Variants in KCNMB2 observed in about 807,000 individuals in gnomAD.
KCNMB2 encodes potassium calcium-activated channel subfamily M regulatory beta subunit 2.
Under a neutral mutation model 24.5 loss-of-function variants are expected in KCNMB2, and 9 were observed. That is an observed-to-expected ratio of 0.37 (90% CI 0.22 to 0.64). KCNMB2 has a LOEUF of 0.64. KCNMB2 is among the 30% of genes least tolerant of loss of function. KCNMB2 has a pLI of 0.63. For missense variants in KCNMB2, 226 were observed against 284.3 expected, an observed-to-expected ratio of 0.79 and a Z score of 1.47; for synonymous variants, 109 against 104.4, an observed-to-expected ratio of 1.04 and a Z score of -0.27.
intron 1 of KCNMB2, among the ~76,000 whole-genome samples, chr3:178,669,255 G>A (rs889132636): frequency 5.9e-5 from 9 of 152,148 alleles, no homozygotes; most frequent in African/African-American, 2.2e-4. Context: ...ATTAATAGCA[G>A]CTGCGACCTT....
chr3:178,651,267 C>T (rs1196659028), intron 1 of KCNMB2, among the ~76,000 whole-genome samples: 3 of 152,140 alleles, frequency 2.0e-5, no homozygotes, highest in African/African-American at 7.2e-5. Context: ...AAATCACAAG[C>T]ATTCCTATTC....
chr3:178,764,417 T>C (rs1051184018), intron 1 of KCNMB2, among the ~76,000 whole-genome samples: 16 of 152,226 alleles, frequency 1.1e-4, no homozygotes, highest in Non-Finnish European at 2.2e-4. Context: ...TGTTTAAATA[T>C]ACAAATACTT....
intron 2 of KCNMB2, among the ~76,000 whole-genome samples, chr3:178,810,445 C>T (rs1244559287): frequency 2.6e-5 from 4 of 152,090 alleles, no homozygotes; most frequent in African/African-American, 9.7e-5. Flanking sequence ...TTCCTCAAAT[C>T]GTAGAATACC....
chr3:178,750,892 G>A (rs1327304808), intron 1 of KCNMB2, among the ~76,000 whole-genome samples: 1 of 152,200 alleles, frequency 6.6e-6, no homozygotes, highest in Non-Finnish European at 1.5e-5. Context: ...TAATGCTCAT[G>A]TTCTTTTAAA....
chr3:178,774,065 G>A (rs1430463587), intron 1 of KCNMB2, among the ~76,000 whole-genome samples: 1 of 152,200 alleles, frequency 6.6e-6, no homozygotes, highest in African/African-American at 2.4e-5. Flanking sequence ...ATCCTCACAT[G>A]ACAGAAGGCA....
chr3:178,831,107 T>TG (rs1560039531), intron 4 of KCNMB2, among the ~76,000 whole-genome samples: 1 of 151,358 alleles, frequency 6.6e-6, no homozygotes, highest in African/African-American at 2.4e-5. Flanking sequence ...CAAGTTTCTT[T>TG]TTTGTTTGTT....
chr3:178,626,925 CTT>C (rs1187878556), intron 1 of KCNMB2, among the ~76,000 whole-genome samples: 2 of 148,678 alleles, frequency 1.3e-5, no homozygotes, highest in East Asian at 1.9e-4. Flanking sequence ...ATATATATAA[CTT>C]AACTATACTA....
intron 1 of KCNMB2, among the ~76,000 whole-genome samples, chr3:178,767,524 T>A (rs1477318843): frequency 6.6e-6 from 1 of 152,226 alleles, no homozygotes; most frequent in Non-Finnish European, 1.5e-5. Context: ...AGAGCCCACA[T>A]AAATCTGTTC....
chr3:178,635,918 T>C (rs1169769117), intron 1 of KCNMB2, among the ~76,000 whole-genome samples: 2 of 152,234 alleles, frequency 1.3e-5, no homozygotes, highest in African/African-American at 4.8e-5. Flanking sequence ...AAAATGGTTA[T>C]TAACCAAAAG....
chr3:178,731,863 G>A (rs954953981), intron 1 of KCNMB2, among the ~76,000 whole-genome samples: 32 of 152,156 alleles, frequency 2.1e-4, no homozygotes, highest in African/African-American at 6.8e-4. Flanking sequence ...AGGTTGTGCC[G>A]CTGCACTCCA....
At chr3:178,833,656 C>T (rs947867842) in intron 4 of KCNMB2, among the ~76,000 whole-genome samples, 20 of 152,114 alleles carry the variant, frequency 1.3e-4, no homozygotes, top group African/African-American at 4.6e-4. Flanking sequence ...ATACATCAGG[C>T]GCTACTGATA....
In KCNMB2 at chr3:178,757,884, C is replaced by T. The variant is rs571741759; in HGVS notation, c.-67-49459C>T. Among the ~76,000 whole-genome samples the T allele has an allele frequency of 1.8e-3, 91 of 50,488 alleles. 1 individual carries two copies. The highest frequency in any genetic ancestry group is 4.5e-3 in the South Asian group (6 of 1,334). 33.1% of individuals were successfully genotyped at this position (50,488 alleles called of 152,430 possible). Reference sequence around the variant, plus strand: ...ATACATATATATATCCAAGAGGATACATATATATATCCAAGAGGATACATA... The same window carrying T: ...ATACATATATATATCCAAGAGGATATATATATATATCCAAGAGGATACATA... On this transcript the variant is annotated intron_variant, in intron 1 of 4. Coordinates refer to ENST00000452583, the MANE Select transcript of KCNMB2 (RefSeq NM_181361.3).
Position 178,568,769 on chromosome 3 carries a change from TA to T in KCNMB2, c.-68+32059del, listed in dbSNP as rs201892756. Among the ~76,000 whole-genome samples, 13 of 127,746 alleles carry T rather than the reference TA, an allele frequency of 1.0e-4. No individual in the cohort carries two copies. In the East Asian group the frequency reaches 3.2e-3, roughly 32 times the overall value. 83.8% of individuals were successfully genotyped at this position (127,746 alleles called of 152,430 possible). On this transcript the variant is annotated intron_variant, in intron 1 of 4. Coordinates refer to ENST00000452583, the MANE Select transcript of KCNMB2 (RefSeq NM_181361.3). ...GATAGATAGATAGATGATAGATAGA[TA>T]GATGATAGATAGATAGATAGATAGA... is the stretch of plus-strand genomic sequence containing the variant.
chr3:178,813,099 C>T (rs1298769099), intron 2 of KCNMB2, among the ~76,000 whole-genome samples: 5 of 152,056 alleles, frequency 3.3e-5, no homozygotes, highest in Admixed American at 1.3e-4. Context: ...TGAATGAATA[C>T]GATTAACCTC....
chr3:178,622,949 T>C (rs1718975985), intron 1 of KCNMB2, among the ~76,000 whole-genome samples: 1 of 152,200 alleles, frequency 6.6e-6, no homozygotes, highest in Non-Finnish European at 1.5e-5. Flanking sequence ...TTAACACAAA[T>C]AGTCAATACA....
intron 1 of KCNMB2, among the ~76,000 whole-genome samples, chr3:178,686,984 T>C (rs1721493545): frequency 6.6e-6 from 1 of 152,148 alleles, no homozygotes. Flanking sequence ...AGTATCTCTA[T>C]ATTGAATCTA....
At chr3:178,783,142 C>T (rs1228758807) in intron 1 of KCNMB2, among the ~76,000 whole-genome samples, 13 of 152,092 alleles carry the variant, frequency 8.5e-5, no homozygotes, top group African/African-American at 2.4e-4. Flanking sequence ...TTCTGTTCCA[C>T]TGATCTATAT....
chr3:178,731,396 A>T (rs1201118629), intron 1 of KCNMB2, among the ~76,000 whole-genome samples: 1 of 152,230 alleles, frequency 6.6e-6, no homozygotes, highest in Non-Finnish European at 1.5e-5. Context: ...CCTGTGTATT[A>T]TACGATAGTT....
chr3:178,759,726 ACACATATATATATCCAAGAGGATATATC>A (rs1426660033), intron 1 of KCNMB2, among the ~76,000 whole-genome samples: 65 of 67,360 alleles, frequency 9.6e-4, no homozygotes, highest in Non-Finnish European at 1.8e-3. Context: ...GGATATATAT[ACACATATATATATCCAAGAGGATATATC>A]TATATATATA....
Sources: allele counts gnomAD v4.1 joint callset (sites outside exome capture counted in the v4.1 genomes callset), GRCh38; gene constraint gnomAD v4.1.1; transcripts MANE v1.5; gene names NCBI Gene and HGNC (gene_info 2026-07-23, HGNC 2026-07-21).